ZFC3H1: variants seen among roughly 807,000 people sequenced by gnomAD.
ZFC3H1 encodes zinc finger C3H1-type containing.
ZFC3H1 carries 71 observed loss-of-function variants against 243.7 expected under a neutral mutation model. That is an observed-to-expected ratio of 0.29 (90% CI 0.24 to 0.36). The LOEUF is 0.36. ZFC3H1 is among the 10% of genes least tolerant of loss of function. The pLI is 1.00. For missense variants in ZFC3H1, 1,966 were observed against 2,317.1 expected (o/e 0.85, Z 3.11); for synonymous variants, 838 against 813.0 (o/e 1.03, Z -0.52).
chr12:71,657,304 G>T lies in ZFC3H1; in HGVS notation c.599-3C>A. The T allele has an allele frequency of 6.6e-7, 1 of 1,513,612 alleles. No individual in the cohort carries two copies. Among genetic ancestry groups the T allele is most frequent in the South Asian group, 1.4e-5 (1 of 72,366 alleles). The allele number at this position is 1,513,612 out of a possible 1,614,324, so 93.8% of individuals were successfully genotyped here. ...TGGAGACCTTCCAAAACTTTTGGCT[G>T]AACAGCATATTAAGGAAACCAGTTT... is the stretch of plus-strand genomic sequence containing the variant. On this transcript the variant is annotated splice_region_variant and splice_polypyrimidine_tract_variant and intron_variant, in intron 1 of 34. Transcript: ENST00000378743.
At chr12:71,650,591 T>C (rs926228324) in intron 2 of ZFC3H1, among the ~76,000 whole-genome samples, 16 of 152,082 alleles carry the variant, frequency 1.1e-4, no homozygotes, top group African/African-American at 3.6e-4. Context: ...ACTGAGGACA[T>C]GACGAATTAA....
rs528093206 is a variant in ZFC3H1, at chr12:71,623,181, G to A, written c.4744+179C>T. Among the ~76,000 whole-genome samples the A allele has an allele frequency of 8.5e-5, 13 of 152,274 alleles. 1 individual carries two copies. The East Asian group carries it at 2.5e-3, about 29-fold the overall frequency. ...CAGTTATTGGTTTTCAAAGATGCCA[G>A]TGTCCATCTTCTCTGATTCAAGACT... On this transcript the variant is annotated intron_variant, in intron 24 of 34. Transcript: ENST00000378743.
chr12:71,614,730 A>G (rs1555178605), intron 29 of ZFC3H1, 30 bp from the exon 30 acceptor site: 7 of 1,597,022 alleles, frequency 4.4e-6, no homozygotes, highest in African/African-American at 1.4e-5. Context: ...ATAATTTAGA[A>G]TAACTAAGAC....
chr12:71,610,364 TGAA>T lies in ZFC3H1; in HGVS notation c.*61_*63del. On this transcript the variant is annotated 3_prime_UTR_variant, in exon 35 of 35. Transcript: ENST00000378743. The stretch of plus-strand genomic sequence containing the variant: ...CCTTAGCCAGGGATCAGCCTAATCT[TGAA>T]GAATCATTCAAATAATTTTGGCAAT... 1 of 1,568,044 alleles carries T rather than the reference TGAA, an allele frequency of 6.4e-7. No homozygotes were observed. The highest frequency in any genetic ancestry group is 8.7e-7 in the Non-Finnish European group (1 of 1,154,658).
chr12:71,616,253 C>T (rs911518231), intron 27 of ZFC3H1, among the ~76,000 whole-genome samples: 12 of 152,122 alleles, frequency 7.9e-5, no homozygotes, highest in Non-Finnish European at 1.5e-4. Flanking sequence ...GCTGAGATCA[C>T]ACCATTGTGC....
intron 20 of ZFC3H1, among the ~76,000 whole-genome samples, chr12:71,628,234 A>C (rs975636090): frequency 6.6e-6 from 1 of 152,212 alleles, no homozygotes; most frequent in Non-Finnish European, 1.5e-5. Context: ...CTATGATTCA[A>C]CTGCTTTTTC....
intron 16 of ZFC3H1, 38 bp from the exon 17 acceptor site, chr12:71,630,992 C>T (rs1377302668): frequency 6.8e-7 from 1 of 1,470,124 alleles, no homozygotes; most frequent in African/African-American, 1.4e-5. Context: ...TTATGCCCAA[C>T]AAACATTCCT....
chr12:71,663,030 G>A lies in ZFC3H1; in HGVS notation c.581C>T (p.Ser194Phe). 4.4e-6 allele frequency: 7 copies of A among 1,607,024 alleles called. No homozygotes were observed. Among genetic ancestry groups the A allele is most frequent in the Non-Finnish European group, 5.9e-6 (7 of 1,176,798 alleles). ...FSSSQSWREP[S>F]PPRKSSKSFG... The stretch of plus-strand genomic sequence containing the variant: ...AAGGATACAGCTCTTCCGAGGTGGA[G>A]AGGGCTCTCGCCAGCTCTGACTGCT... Residue 194 changes from serine to phenylalanine, a missense_variant, in exon 1 of 35, where the codon TCT (serine) becomes TTT (phenylalanine). By Grantham distance (155) the Ser-to-Phe change is radical. Around this residue, in one of 4 missense-constraint regions of ZFC3H1, gnomAD observed 484 missense variants for 449.7 expected, o/e 1.08. Transcript: ENST00000378743.
chr12:71,648,256 T>C (rs183620389), intron 2 of ZFC3H1, among the ~76,000 whole-genome samples: 4 of 152,334 alleles, frequency 2.6e-5, no homozygotes, highest in East Asian at 1.9e-4. Flanking sequence ...CATTAGAGAA[T>C]TGGTCATTTA....
At chr12:71,631,334 C>T (rs2137534307) in intron 16 of ZFC3H1, among the ~76,000 whole-genome samples, 1 of 152,208 alleles carries the variant, frequency 6.6e-6, no homozygotes, top group East Asian at 1.9e-4. Flanking sequence ...TAAAAACATG[C>T]AACCCTTTAA....
At position 71,638,816 on chromosome 12, in the gene ZFC3H1, T is replaced by TA. The variant is rs1467429377; in HGVS notation, c.1628-302dup. On this transcript the variant is annotated intron_variant, in intron 6 of 34. Transcript: ENST00000378743. The stretch of plus-strand genomic sequence containing the variant: ...AGCAGGAAAAGACAGAAACATACTT[T>TA]AAAAAAACAAACAAAAAAAAACACA... Among the ~76,000 whole-genome samples, 11 of 151,036 alleles carry TA rather than the reference T, an allele frequency of 7.3e-5. No individual in the cohort carries two copies. In the South Asian group the frequency reaches 1.2e-3, roughly 17 times the overall value.
intron 23 of ZFC3H1, 26 bp from the exon 24 acceptor site, chr12:71,623,623 T>TA (rs746816171): frequency 4.3e-5 from 66 of 1,533,762 alleles, no homozygotes; most frequent in Non-Finnish European, 5.4e-5. Context: ...AATTTTTTGA[T>TA]AAAAAAATTA....
At chr12:71,640,898 T>C (rs1222336568) in intron 6 of ZFC3H1, among the ~76,000 whole-genome samples, 1 of 152,116 alleles carries the variant, frequency 6.6e-6, no homozygotes. Flanking sequence ...AAAAACTCTA[T>C]ATGGAAAACA....
chr12:71,630,923 GT>G lies in ZFC3H1; in HGVS notation c.3501del (p.Lys1167AsnfsTer4). ...CTGTATGATACTGAGCTCAGGGGAAGTTTTTCCTTGGTTCGATAATATGGAC... is the reference window on the plus strand; with the variant it reads ...CTGTATGATACTGAGCTCAGGGGAAGTTTTCCTTGGTTCGATAATATGGAC... ...RFSPYYRTKE[K>X]LPLSSVSYSN... On this transcript the variant is annotated frameshift_variant, in exon 17 of 35. Transcript: ENST00000378743. LOFTEE classifies it high-confidence loss of function. 1 of 1,612,232 alleles carries G rather than the reference GT, an allele frequency of 6.2e-7. No homozygotes were observed. The highest frequency in any genetic ancestry group is 8.5e-7 in the Non-Finnish European group (1 of 1,178,766).
At chr12:71,654,282 T>G (rs992564198) in intron 2 of ZFC3H1, among the ~76,000 whole-genome samples, 21 of 151,918 alleles carry the variant, frequency 1.4e-4, no homozygotes, top group African/African-American at 4.6e-4. Context: ...TCTACAGAAA[T>G]TTTTAAAACA....
chr12:71,654,894 T>C (rs1156393424), intron 2 of ZFC3H1, among the ~76,000 whole-genome samples: 1 of 152,150 alleles, frequency 6.6e-6, no homozygotes, highest in Non-Finnish European at 1.5e-5. Flanking sequence ...GATGTGGCTA[T>C]TAATATAAGA....
intron 24 of ZFC3H1, among the ~76,000 whole-genome samples, chr12:71,620,558 A>T (rs890634105): frequency 6.6e-6 from 1 of 152,178 alleles, no homozygotes; most frequent in Non-Finnish European, 1.5e-5. Flanking sequence ...AAGCCATCCC[A>T]TATGAGCTTT....
At chr12:71,662,774 T>C (rs1264664604) in intron 1 of ZFC3H1, among the ~76,000 whole-genome samples, 1 of 152,198 alleles carries the variant, frequency 6.6e-6, no homozygotes, top group African/African-American at 2.4e-5. Context: ...CTTAACTGTC[T>C]TAGATTTCAT....
At chr12:71,651,456 C>G (rs1235319238) in intron 2 of ZFC3H1, among the ~76,000 whole-genome samples, 3 of 152,124 alleles carry the variant, frequency 2.0e-5, no homozygotes, top group African/African-American at 7.2e-5. Flanking sequence ...CCCATGAAAA[C>G]ATAAGTGACT....
Sources: allele counts gnomAD v4.1 joint callset (sites outside exome capture counted in the v4.1 genomes callset), GRCh38; gene constraint gnomAD v4.1.1; regional missense constraint gnomAD v4.1.1; transcripts MANE v1.5; gene names NCBI Gene and HGNC (gene_info 2026-07-23, HGNC 2026-07-21).